ASTN2: variants seen among roughly 807,000 people sequenced by gnomAD.
ASTN2 encodes astrotactin 2, also known as astrotactin-2.
Under a neutral mutation model 139.8 loss-of-function variants are expected in ASTN2, and 54 were observed. That is an observed-to-expected ratio of 0.39 (90% CI 0.31 to 0.48). ASTN2 has a LOEUF of 0.48. ASTN2 is among the 20% of genes least tolerant of loss of function. The pLI, the probability that ASTN2 is intolerant of heterozygous loss-of-function variation, is 0.95. For synonymous variants in ASTN2, 756 were observed against 719.5 expected, an observed-to-expected ratio of 1.05 and a Z score of -0.81; for missense variants, 1,565 against 1,725.1, an observed-to-expected ratio of 0.91 and a Z score of 1.64.
intron 1 of ASTN2, among the ~76,000 whole-genome samples, chr9:117,412,158 C>G (rs10759922): frequency 0.42 from 63,134 of 151,990 alleles, 13,201 homozygotes; most frequent in South Asian, 0.48. Context: ...CTGCTATACC[C>G]AGCCATCTGG....
At position 117,008,189 on chromosome 9, in the gene ASTN2, G is replaced by T; in HGVS notation, c.1494C>A (p.Ser498=). The T allele has an allele frequency of 6.2e-7, 1 of 1,611,226 alleles. No homozygotes were observed. ...AGGTGGCATTGATCTGGTAATACAG[G>T]GAAAGCTTGGCCGGGTTTAACCAGT... ...ISDWLNPAKL[S]LYYQINATSP... is the part of the protein sequence containing the mutation. The change falls in exon 7 of 23, where the codon TCC becomes TCA. Residue 498 remains serine, a synonymous_variant. Transcript: ENST00000313400.
intron 13 of ASTN2, among the ~76,000 whole-genome samples, chr9:116,780,386 G>A (rs989017131): frequency 6.6e-6 from 1 of 152,170 alleles, no homozygotes; most frequent in Non-Finnish European, 1.5e-5. Flanking sequence ...CTAAGTCTAG[G>A]CGTTCTCATT....
intron 11 of ASTN2, among the ~76,000 whole-genome samples, chr9:116,839,837 AT>A (rs199882900): frequency 2.7e-5 from 3 of 110,686 alleles, no homozygotes; most frequent in African/African-American, 1.2e-4. Flanking sequence ...CACCCAGCTG[AT>A]TTTTTTATTT....
Position 116,859,169 on chromosome 9 carries a change from C to T in ASTN2, c.2040+4414G>A, listed in dbSNP as rs550579588. 5.9e-5 allele frequency among the ~76,000 whole-genome samples: 9 copies of T among 152,326 alleles called. No homozygotes were observed. In the South Asian group the frequency reaches 1.5e-3, roughly 25 times the overall value. ...ACACTCTGATAATTCAAGATATTCT[C>T]GCTCTTTTAAGGTCAGCTAATTAGT... On this transcript the variant is annotated intron_variant, in intron 11 of 22. Transcript: ENST00000313400.
At chr9:117,319,335 T>C (rs578162192) in intron 1 of ASTN2, among the ~76,000 whole-genome samples, 2 of 152,336 alleles carry the variant, frequency 1.3e-5, no homozygotes, top group Admixed American at 6.5e-5. Flanking sequence ...TTCTACCACT[T>C]AATAATTGTA....
intron 13 of ASTN2, among the ~76,000 whole-genome samples, chr9:116,738,409 G>A (rs1425315687): frequency 2.6e-5 from 4 of 151,806 alleles, no homozygotes; most frequent in African/African-American, 9.7e-5. Context: ...GCTGAGGCAT[G>A]AGAATCATTT....
chr9:117,186,468 G>C (rs1053160140), intron 3 of ASTN2, among the ~76,000 whole-genome samples: 1 of 151,960 alleles, frequency 6.6e-6, no homozygotes, highest in Non-Finnish European at 1.5e-5. Context: ...AATGGTGCGG[G>C]CCTGGGAGGC....
intron 2 of ASTN2, among the ~76,000 whole-genome samples, chr9:117,244,017 C>T (rs975404492): frequency 1.3e-5 from 2 of 152,078 alleles, no homozygotes; most frequent in African/African-American, 4.8e-5. Context: ...CACTCACTAT[C>T]ATGAGCTGTT....
At chr9:117,086,765 C>T (rs1828574282) in intron 5 of ASTN2, among the ~76,000 whole-genome samples, 1 of 152,128 alleles carries the variant, frequency 6.6e-6, no homozygotes, top group Non-Finnish European at 1.5e-5. Context: ...GATAAACCCA[C>T]CCCATGAAGG....
intron 2 of ASTN2, among the ~76,000 whole-genome samples, chr9:117,219,398 G>A (rs1289721528): frequency 2.0e-5 from 3 of 152,162 alleles, no homozygotes; most frequent in East Asian, 1.9e-4. Context: ...GGCAAAAGGG[G>A]AGCTGAGGAG....
intron 1 of ASTN2, among the ~76,000 whole-genome samples, chr9:117,311,615 CAGA>C (rs1238113622): frequency 1.3e-5 from 2 of 152,118 alleles, no homozygotes; most frequent in South Asian, 2.1e-4. Context: ...AGATCAAGCT[CAGA>C]AGAAGAAATC....
At chr9:116,447,695 G>A (rs147525631) in intron 20 of ASTN2, among the ~76,000 whole-genome samples, 1 of 152,160 alleles carries the variant, frequency 6.6e-6, no homozygotes. Flanking sequence ...CACCATGAAG[G>A]GTTCTTGTTA....
At chr9:116,501,698 G>C (rs181106045) in intron 19 of ASTN2, among the ~76,000 whole-genome samples, 2 of 147,168 alleles carry the variant, frequency 1.4e-5, no homozygotes, top group Non-Finnish European at 3.0e-5. Flanking sequence ...TCTGGGGACT[G>C]TTGTGGGGTG....
At position 116,938,661 on chromosome 9, in the gene ASTN2, C is replaced by G. The variant is rs138261924; in HGVS notation, c.1889+36547G>C. The stretch of plus-strand genomic sequence containing the variant: ...GGAGATCATGGCCAGCCCTTTGCCC[C>G]ATTTGAGGACAATGCATTGGCCCAA... On this transcript the variant is annotated intron_variant, in intron 10 of 22. Coordinates refer to ENST00000313400, the MANE Select transcript of ASTN2 (RefSeq NM_001365068.1). Among the ~76,000 whole-genome samples the G allele has an allele frequency of 4.7e-3, 720 of 152,310 alleles. 8 individuals are homozygous for G. Among genetic ancestry groups the G allele is most frequent in the African/African-American group, 0.017 (700 of 41,574 alleles).
intron 10 of ASTN2, among the ~76,000 whole-genome samples, chr9:116,942,224 T>C (rs938183174): frequency 6.6e-6 from 1 of 152,080 alleles, no homozygotes; most frequent in Non-Finnish European, 1.5e-5. Flanking sequence ...CAGATCTCAG[T>C]GCTGATAAGT....
At chr9:117,102,029 G>A (rs147181264) in intron 4 of ASTN2, among the ~76,000 whole-genome samples, 2,012 of 152,186 alleles carry the variant, frequency 0.013, 51 homozygotes, top group African/African-American at 0.046. Context: ...CCACTCCTAG[G>A]TATATACCTC....
chr9:116,979,590 C>A (rs549697743), intron 7 of ASTN2, among the ~76,000 whole-genome samples: 10 of 152,194 alleles, frequency 6.6e-5, no homozygotes, highest in African/African-American at 2.2e-4. Context: ...ACTTTAAACA[C>A]GTCTAATATT....
intron 10 of ASTN2, among the ~76,000 whole-genome samples, chr9:116,896,156 T>G (rs1371928871): frequency 6.6e-6 from 1 of 152,152 alleles, no homozygotes; most frequent in Non-Finnish European, 1.5e-5. Context: ...CTATGAGAGC[T>G]GACCCAGAGC....
At chr9:116,947,309 G>A (rs552531932) in intron 10 of ASTN2, among the ~76,000 whole-genome samples, 1 of 152,286 alleles carries the variant, frequency 6.6e-6, no homozygotes, top group Admixed American at 6.5e-5. Context: ...GATAATGAAT[G>A]TGAACGTCTC....
Sources: gnomAD v4.1 joint callset for allele counts (sites outside exome capture counted in the v4.1 genomes callset) on GRCh38, gnomAD v4.1.1 for gene constraint, MANE v1.5 for transcripts, NCBI Gene and HGNC (gene_info 2026-07-23, HGNC 2026-07-21) for gene names.